The following LRRC74A variants were observed in gnomAD, a reference collection of about 807,000 sequenced individuals.
LRRC74A encodes leucine rich repeat containing 74A.
A neutral mutation model predicts 57.9 loss-of-function variants in LRRC74A; 44 were observed. The ratio of observed to expected loss-of-function variants is 0.76; its 90% CI spans 0.60 to 0.98. LRRC74A has a LOEUF of 0.98. Among genes scored for constraint, LRRC74A ranks in the 50% least tolerant of loss-of-function variants. The probability of loss-of-function intolerance (pLI) is 0.00; values close to 1 mark genes in which losing one functional copy is unlikely to be tolerated. For missense variants in LRRC74A, 572 were observed against 574.0 expected (o/e 1.00, Z 0.04); for synonymous variants, 211 against 219.4 (o/e 0.96, Z 0.34).
At chr14:76,831,763 G>C (rs568105678) in intron 3 of LRRC74A, among the ~76,000 whole-genome samples, 2 of 152,080 alleles carry the variant, frequency 1.3e-5, no homozygotes, top group Admixed American at 1.3e-4. Flanking sequence ...GCTGTAAATG[G>C]GTTTACTACT....
intron 6 of LRRC74A, 68 bp from the exon 7 acceptor site, chr14:76,844,752 T>C: frequency 1.1e-6 from 1 of 892,396 alleles, no homozygotes. Flanking sequence ...CATACTGCCC[T>C]GAGATAAGTA....
chr14:76,860,184 G>A (rs1898193649), intron 10 of LRRC74A, among the ~76,000 whole-genome samples: 1 of 152,148 alleles, frequency 6.6e-6, no homozygotes. Context: ...GTGGAGCCCA[G>A]GTTTGATCAA....
rs547779461 is a variant in LRRC74A at position 76,848,936 on chromosome 14, C to G, written c.677-3429C>G. Among the ~76,000 whole-genome samples, 6 of 152,250 alleles carry G rather than the reference C, an allele frequency of 3.9e-5. No homozygotes were observed. The South Asian group carries it at 1.2e-3, about 32-fold the overall frequency. On this transcript the variant is annotated intron_variant, in intron 7 of 13. Coordinates refer to ENST00000689127, the MANE Select transcript of LRRC74A (RefSeq NM_001385106.1). The stretch of plus-strand genomic sequence containing the variant: ...GTAGATTTCATGGTGGCATTTGAAG[C>G]CTGTCATTGCCGCTATTTTCTCAGT...
At chr14:76,865,871 TG>T in intron 11 of LRRC74A, 96 bp from the exon 12 acceptor site, 1 of 972,240 alleles carries the variant, frequency 1.0e-6, no homozygotes, top group Non-Finnish European at 1.6e-6. Flanking sequence ...TTGTTAGGCC[TG>T]GAAGCATGGG....
At chr14:76,834,985 C>A (rs1896222190) in intron 3 of LRRC74A, among the ~76,000 whole-genome samples, 1 of 152,070 alleles carries the variant, frequency 6.6e-6, no homozygotes, top group Non-Finnish European at 1.5e-5. Context: ...GAGAGGGTGG[C>A]GGAGGACCAG....
chr14:76,849,408 C>T (rs562179226), intron 7 of LRRC74A, among the ~76,000 whole-genome samples: 8 of 152,094 alleles, frequency 5.3e-5, no homozygotes, highest in South Asian at 2.1e-4. Flanking sequence ...CCACCCTCCT[C>T]GGCCTCCCAA....
intron 2 of LRRC74A, among the ~76,000 whole-genome samples, chr14:76,829,538 C>G (rs943720706): frequency 4.6e-5 from 7 of 152,210 alleles, no homozygotes; most frequent in African/African-American, 1.4e-4. Flanking sequence ...GGTCCTGTTT[C>G]TATCTCATTC....
At chr14:76,853,737 G>A (rs183861840) in intron 9 of LRRC74A, among the ~76,000 whole-genome samples, 5 of 151,926 alleles carry the variant, frequency 3.3e-5, no homozygotes, top group East Asian at 1.9e-4. Flanking sequence ...CATTGCCACC[G>A]GAGTGTGCTT....
At position 76,852,402 on chromosome 14, in the gene LRRC74A, G is replaced by A. The variant is rs868818164; in HGVS notation, c.714G>A (p.Trp238Ter). 6.2e-7 allele frequency: 1 copy of A among 1,612,500 alleles called. No homozygotes were observed. Among genetic ancestry groups the A allele is most frequent in the South Asian group, 1.1e-5 (1 of 90,740 alleles). The stretch of plus-strand genomic sequence containing the variant: ...GGCTCACGTCACTGGATCTGAGCTG[G>A]AATAACTTCCACACAAGGGGAGCTG... ...NVGLTSLDLS[W>*]NNFHTRGAVA... Residue 238 changes from tryptophan (W) to a stop codon, truncating the protein, a stop_gained, in exon 8 of 14, where the codon TGG (tryptophan) becomes TGA (stop). Transcript: ENST00000689127. LOFTEE classifies it high-confidence loss of function.
At chr14:76,849,695 C>T (rs1025670715) in intron 7 of LRRC74A, among the ~76,000 whole-genome samples, 4 of 150,308 alleles carry the variant, frequency 2.7e-5, no homozygotes, top group African/African-American at 4.9e-5. Flanking sequence ...CCCAGCTACT[C>T]GGGAGGGTGA....
chr14:76,863,306 G>C (rs1284317759), intron 11 of LRRC74A, among the ~76,000 whole-genome samples: 2 of 152,070 alleles, frequency 1.3e-5, no homozygotes, highest in Non-Finnish European at 2.9e-5. Flanking sequence ...GCCAGAGGCA[G>C]GGAAGTGCAG....
chr14:76,836,890 C>T (rs1296849933), intron 4 of LRRC74A, among the ~76,000 whole-genome samples: 3 of 151,610 alleles, frequency 2.0e-5, no homozygotes, highest in Admixed American at 6.6e-5. Flanking sequence ...CCTGTAATCC[C>T]GACACTTTGG....
chr14:76,844,567 C>T (rs1896995126), intron 6 of LRRC74A, 95 bp downstream of exon 6: 1 of 1,280,530 alleles, frequency 7.8e-7, no homozygotes, highest in Non-Finnish European at 1.1e-6. Flanking sequence ...CGTGAGGCTA[C>T]TTTCACATGT....
chr14:76,850,859 A>AG (rs1343702601), intron 7 of LRRC74A, among the ~76,000 whole-genome samples: 4 of 150,344 alleles, frequency 2.7e-5, no homozygotes, highest in Non-Finnish European at 5.9e-5. Context: ...AAAAAAAAAA[A>AG]AAAAAGAAAG....
chr14:76,866,377 C>G, intron 12 of LRRC74A, among the ~76,000 whole-genome samples: 1 of 152,206 alleles, frequency 6.6e-6, no homozygotes, highest in East Asian at 1.9e-4. Context: ...CACTACTGGG[C>G]AGATAACAAA....
At chr14:76,859,602 G>A (rs912861292) in intron 10 of LRRC74A, among the ~76,000 whole-genome samples, 12 of 144,866 alleles carry the variant, frequency 8.3e-5, no homozygotes, top group Admixed American at 2.8e-4. Flanking sequence ...CCATAAACCC[G>A]TAAGCTGTGA....
At position 76,866,033 on chromosome 14, in the gene LRRC74A, AATGAAG is replaced by A. The variant is rs772299913; in HGVS notation, c.1270_1275del (p.Lys424_Met425del). ...TCAAGAGCTTGAACCCCACTGGGACAATGAAGATGTCTGTGGATGAGTTCCAGAAAG... is the reference window on the plus strand; with the variant it reads ...TCAAGAGCTTGAACCCCACTGGGACAATGTCTGTGGATGAGTTCCAGAAAG... On this transcript the variant is annotated inframe_deletion, in exon 12 of 14. Coordinates refer to ENST00000689127, the MANE Select transcript of LRRC74A (RefSeq NM_001385106.1). 1.4e-5 allele frequency: 22 copies of A among 1,597,320 alleles called. No homozygotes were observed. Among genetic ancestry groups the A allele is most frequent in the Admixed American group, 1.7e-5 (1 of 59,034 alleles).
intron 5 of LRRC74A, among the ~76,000 whole-genome samples, chr14:76,843,329 T>C (rs1896908998): frequency 6.6e-6 from 1 of 151,338 alleles, no homozygotes; most frequent in Non-Finnish European, 1.5e-5. Context: ...AAAAACTTGT[T>C]CAATATAGAT....
chr14:76,857,021 G>A (rs1897945551), intron 9 of LRRC74A, among the ~76,000 whole-genome samples: 1 of 149,244 alleles, frequency 6.7e-6, no homozygotes, highest in Non-Finnish European at 1.5e-5. Context: ...ATAGGCGGAT[G>A]GATGAGCAGT....
Sources: allele counts gnomAD v4.1 joint callset (sites outside exome capture counted in the v4.1 genomes callset), GRCh38; gene constraint gnomAD v4.1.1; transcripts MANE v1.5; gene names NCBI Gene and HGNC (gene_info 2026-07-23, HGNC 2026-07-21).